Variants in LMBR1 observed in about 807,000 individuals in gnomAD.
The protein encoded by LMBR1 is limb development membrane protein 1, also known as limb region 1 protein homolog.
Under a neutral mutation model 73.9 loss-of-function variants are expected in LMBR1, and 52 were observed. The ratio of observed to expected loss-of-function variants is 0.70; its 90% CI spans 0.56 to 0.89. LMBR1 has a LOEUF of 0.89. Among genes scored for constraint, LMBR1 ranks in the 40% least tolerant of loss-of-function variants. The pLI is 0.00. For missense variants in LMBR1, 539 were observed against 579.8 expected (o/e 0.93, Z 0.72); for synonymous variants, 215 against 209.4 (o/e 1.03, Z -0.23).
chr7:156,778,187 A>G (rs149474767), intron 5 of LMBR1, among the ~76,000 whole-genome samples: 86 of 152,344 alleles, frequency 5.6e-4, no homozygotes, highest in African/African-American at 1.9e-3. Flanking sequence ...ATTAGTCAAT[A>G]TTTCTTTTGA....
intron 8 of LMBR1, among the ~76,000 whole-genome samples, chr7:156,759,397 A>C (rs1347995596): frequency 6.6e-6 from 1 of 152,234 alleles, no homozygotes; most frequent in Non-Finnish European, 1.5e-5. Flanking sequence ...GTATGAAACC[A>C]GCCTCTTGGG....
chr7:156,748,678 G>A (rs1377724434), intron 9 of LMBR1, among the ~76,000 whole-genome samples: 2 of 151,802 alleles, frequency 1.3e-5, no homozygotes, highest in Non-Finnish European at 2.9e-5. Context: ...TAGTAGAGAC[G>A]GTGTTTCACC....
Position 156,703,526 on chromosome 7 carries a change from G to A in LMBR1, c.1226-15335C>T, listed in dbSNP as rs186267714. Among the ~76,000 whole-genome samples, 38 of 152,256 alleles carry A rather than the reference G, an allele frequency of 2.5e-4. 1 individual carries two copies. The highest frequency in any genetic ancestry group is 2.3e-3 in the Admixed American group (35 of 15,288). ...GCTGCCACAGTCGGAACAAGGGAGG[G>A]AGCACTCCACGAGAACAAGGATAGG... On this transcript the variant is annotated intron_variant, in intron 15 of 16. Transcript: ENST00000353442.
At chr7:156,705,018 C>G (rs1355387754) in intron 15 of LMBR1, among the ~76,000 whole-genome samples, 1 of 152,054 alleles carries the variant, frequency 6.6e-6, no homozygotes, top group Admixed American at 6.5e-5. Flanking sequence ...GAAAACATAT[C>G]TAATAAAATA....
rs1172445947 is a variant in LMBR1, at chr7:156,685,330, T to C, written c.1388-1167A>G. On this transcript the variant is annotated intron_variant, in intron 16 of 16. Transcript: ENST00000353442. The surrounding 1 kb of genome is among the most constrained non-coding windows in gnomAD (Gnocchi z 4.1). Reference sequence around the variant, plus strand: ...GCACTTTAATAAAAATGAAACACAATGACATACAGCAACACAGTCAGGTGT... The same window carrying C: ...GCACTTTAATAAAAATGAAACACAACGACATACAGCAACACAGTCAGGTGT... Among the ~76,000 whole-genome samples, 1 of 152,180 alleles carries C rather than the reference T, an allele frequency of 6.6e-6. No homozygotes were observed. Among genetic ancestry groups the C allele is most frequent in the African/African-American group, 2.4e-5 (1 of 41,436 alleles).
intron 9 of LMBR1, among the ~76,000 whole-genome samples, chr7:156,753,145 C>A (rs574383734): frequency 6.6e-6 from 1 of 151,972 alleles, no homozygotes; most frequent in Non-Finnish European, 1.5e-5. Context: ...GTCACAGGCA[C>A]GAGCGGGTGA....
chr7:156,884,079 T>C (rs1174990550), intron 1 of LMBR1, among the ~76,000 whole-genome samples: 1 of 152,250 alleles, frequency 6.6e-6, no homozygotes, highest in Non-Finnish European at 1.5e-5. Context: ...TTTGCTCTTC[T>C]ATGTTAGAAA....
intron 15 of LMBR1, among the ~76,000 whole-genome samples, chr7:156,697,760 T>G (rs1265892156): frequency 6.6e-6 from 1 of 152,218 alleles, no homozygotes; most frequent in Non-Finnish European, 1.5e-5. Flanking sequence ...GTGCACTGAT[T>G]TCATATTGTT....
At chr7:156,727,505 T>C (rs1400212801) in intron 12 of LMBR1, among the ~76,000 whole-genome samples, 1 of 152,130 alleles carries the variant, frequency 6.6e-6, no homozygotes, top group Non-Finnish European at 1.5e-5. Context: ...GTCTGTAGGA[T>C]GAGGCACCTG....
rs758967855 is a variant in LMBR1 at position 156,680,206 on chromosome 7, C to G, written c.*3872G>C. ...ATTATTTCTTCTTTTAAACCACATT[C>G]CAAAGGGATGCTTTTCAAACTGAAG... On this transcript the variant is annotated 3_prime_UTR_variant, in exon 17 of 17. Transcript: ENST00000353442. The G allele has an allele frequency of 6.6e-6, 1 of 151,338 alleles. No individual in the cohort carries two copies. The highest frequency in any genetic ancestry group is 1.9e-4 in the East Asian group (1 of 5,182). 9.4% of individuals were successfully genotyped at this position (151,338 alleles called of 1,614,324 possible).
At chr7:156,867,674 A>G (rs1029086948) in intron 1 of LMBR1, among the ~76,000 whole-genome samples, 1 of 152,266 alleles carries the variant, frequency 6.6e-6, no homozygotes, top group African/African-American at 2.4e-5. Flanking sequence ...TACATATTAC[A>G]TGAATCAATT....
rs1554456487 is a variant in LMBR1 at position 156,680,376 on chromosome 7, C to CACAG, written c.*3701_*3702insCTGT. On this transcript the variant is annotated 3_prime_UTR_variant, in exon 17 of 17. Coordinates refer to ENST00000353442, the MANE Select transcript of LMBR1 (RefSeq NM_022458.4). ...TTTTTGCTTATACGTATCTGAGAGACAGAGAGAGAGAGAGAGAGAGAGAGA... is the reference window on the plus strand; with the variant it reads ...TTTTTGCTTATACGTATCTGAGAGACACAGAGAGAGAGAGAGAGAGAGAGAGAGA... 1 of 141,166 alleles carries CACAG rather than the reference C, an allele frequency of 7.1e-6. No individual in the cohort carries two copies. The highest frequency in any genetic ancestry group is 2.8e-5 in the African/African-American group (1 of 35,322). 8.7% of individuals were successfully genotyped at this position (141,166 alleles called of 1,614,324 possible).
chr7:156,678,774 C>T lies in LMBR1; in HGVS notation c.*5304G>A, dbSNP rs1268593794. On this transcript the variant is annotated 3_prime_UTR_variant, in exon 17 of 17. Coordinates refer to ENST00000353442, the MANE Select transcript of LMBR1 (RefSeq NM_022458.4). ...TTGGAACCCACTTGTCTGACAGTCA[C>T]CTTGCAAGATGAAGCCACTTCTTGT... 2 of 152,182 alleles carry T rather than the reference C, an allele frequency of 1.3e-5. No individual in the cohort carries two copies. Among genetic ancestry groups the T allele is most frequent in the Non-Finnish European group, 2.9e-5 (2 of 68,040 alleles). The allele number at this position is 152,182 out of a possible 1,614,324, so 9.4% of individuals were successfully genotyped here.
intron 8 of LMBR1, among the ~76,000 whole-genome samples, chr7:156,757,427 T>C (rs1822110162): frequency 6.6e-6 from 1 of 152,164 alleles, no homozygotes; most frequent in South Asian, 2.1e-4. Context: ...ACAAACCAAG[T>C]CAAACAACAG....
At chr7:156,760,383 G>A (rs1223101370) in intron 8 of LMBR1, among the ~76,000 whole-genome samples, 1 of 152,194 alleles carries the variant, frequency 6.6e-6, no homozygotes, top group Non-Finnish European at 1.5e-5. Context: ...CACTTAAAAT[G>A]TACTGGAATT....
intron 9 of LMBR1, among the ~76,000 whole-genome samples, chr7:156,742,069 G>A (rs1819001519): frequency 1.3e-5 from 2 of 151,906 alleles, no homozygotes; most frequent in South Asian, 2.1e-4. Context: ...AGAAATTAAG[G>A]GGTAAATTGA....
downstream of LMBR1, among the ~76,000 whole-genome samples, chr7:156,672,906 G>A (rs1802876352): frequency 6.6e-6 from 1 of 152,208 alleles, no homozygotes. Flanking sequence ...TATGACCGTG[G>A]TTCTTAAACC....
At chr7:156,786,445 T>C (rs1363483458) in intron 5 of LMBR1, among the ~76,000 whole-genome samples, 3 of 152,186 alleles carry the variant, frequency 2.0e-5, no homozygotes, top group East Asian at 1.9e-4. Flanking sequence ...AATAACTGAA[T>C]AGTAATACAG....
intron 5 of LMBR1, among the ~76,000 whole-genome samples, chr7:156,780,436 T>C (rs775607407): frequency 4.6e-5 from 7 of 152,212 alleles, no homozygotes; most frequent in Non-Finnish European, 1.0e-4. Flanking sequence ...ATGTTTTCAA[T>C]ATGTAAATGA....
Sources: gnomAD v4.1 joint callset for allele counts (sites outside exome capture counted in the v4.1 genomes callset) on GRCh38, gnomAD v4.1.1 for gene constraint, Gnocchi (gnomAD v3.1) non-coding constraint, MANE v1.5 for transcripts, NCBI Gene and HGNC (gene_info 2026-07-23, HGNC 2026-07-21) for gene names.